The following XXYLT1 variants were observed in gnomAD, a reference collection of about 807,000 sequenced individuals.
XXYLT1 encodes the protein UDP-xylose:alpha-xyloside alpha-1,3-xylosyltransferase.
Under a neutral mutation model 28.9 loss-of-function variants are expected in XXYLT1, and 20 were observed. That is an observed-to-expected ratio of 0.69 (90% confidence interval 0.49 to 1.00). The LOEUF (loss-of-function observed/expected upper bound fraction) is 1.00, where lower values mean the gene tolerates loss of function less well. Ranked by LOEUF, XXYLT1 falls within the 50% of genes least tolerant of loss-of-function variation. XXYLT1 has a pLI of 0.00. For missense variants in XXYLT1, 542 were observed against 560.1 expected (o/e 0.97, Z 0.33); for synonymous variants, 257 against 253.8 (o/e 1.01, Z -0.12).
At chr3:195,177,522 T>G (rs1331306357) in intron 2 of XXYLT1, among the ~76,000 whole-genome samples, 2 of 152,036 alleles carry the variant, frequency 1.3e-5, no homozygotes, top group East Asian at 3.9e-4. Context: ...TGGGGTAGGA[T>G]CAATGCACCA....
At chr3:195,206,302 G>A (rs1180165862) in intron 2 of XXYLT1, among the ~76,000 whole-genome samples, 5 of 151,564 alleles carry the variant, frequency 3.3e-5, no homozygotes, top group African/African-American at 1.2e-4. Flanking sequence ...GAGCCACCAC[G>A]CACGGCCTAA....
At chr3:195,110,851 T>TGTGTGTGG (rs1284404952) in intron 3 of XXYLT1, among the ~76,000 whole-genome samples, 5 of 37,426 alleles carry the variant, frequency 1.3e-4, no homozygotes, top group Admixed American at 8.2e-4. Flanking sequence ...GTTGTGTGTG[T>TGTGTGTGG]TGTATAAGTG....
At chr3:195,167,448 G>A (rs539966337) in intron 2 of XXYLT1, among the ~76,000 whole-genome samples, 11 of 152,184 alleles carry the variant, frequency 7.2e-5, no homozygotes, top group East Asian at 3.9e-4. Flanking sequence ...AAAATTAGCC[G>A]GGAGTGGTGG....
chr3:195,143,432 C>A (rs1025348380), intron 3 of XXYLT1, among the ~76,000 whole-genome samples: 1 of 152,138 alleles, frequency 6.6e-6, no homozygotes, highest in Non-Finnish European at 1.5e-5. Context: ...GAAGCTTTTA[C>A]GTTAACAACA....
chr3:195,174,892 G>A (rs1186949906), intron 2 of XXYLT1, among the ~76,000 whole-genome samples: 3 of 151,976 alleles, frequency 2.0e-5, no homozygotes, highest in East Asian at 1.9e-4. Context: ...GGGTCTACAT[G>A]AGTGTGCCAC....
intron 3 of XXYLT1, among the ~76,000 whole-genome samples, chr3:195,084,985 C>A (rs1451243438): frequency 1.3e-5 from 2 of 152,242 alleles, no homozygotes; most frequent in African/African-American, 4.8e-5. Context: ...AAGGCAGCCA[C>A]TTCCAGACCC....
At chr3:195,140,771 C>T (rs1189409909) in intron 3 of XXYLT1, among the ~76,000 whole-genome samples, 1 of 152,208 alleles carries the variant, frequency 6.6e-6, no homozygotes, top group Non-Finnish European at 1.5e-5. Context: ...AGAGGGAAGT[C>T]TGCCCCCATG....
At chr3:195,136,656 C>T (rs1211405085) in intron 3 of XXYLT1, among the ~76,000 whole-genome samples, 1 of 152,096 alleles carries the variant, frequency 6.6e-6, no homozygotes, top group Non-Finnish European at 1.5e-5. Context: ...AACCAATTTG[C>T]ACACAGTTGA....
chr3:195,121,482 C>T (rs987977707), intron 3 of XXYLT1, among the ~76,000 whole-genome samples: 1 of 152,172 alleles, frequency 6.6e-6, no homozygotes, highest in Non-Finnish European at 1.5e-5. Context: ...ATATTTTGCT[C>T]CCCTGCTGAA....
At chr3:195,189,125 A>G (rs1722320508) in intron 2 of XXYLT1, among the ~76,000 whole-genome samples, 1 of 151,970 alleles carries the variant, frequency 6.6e-6, no homozygotes, top group Non-Finnish European at 1.5e-5. Context: ...TGGATACTAT[A>G]TTATTTCCAT....
chr3:195,246,923 T>C (rs1157543403), intron 1 of XXYLT1, among the ~76,000 whole-genome samples: 1 of 152,210 alleles, frequency 6.6e-6, no homozygotes, highest in East Asian at 1.9e-4. Context: ...CTGGTCCCAA[T>C]TTCTGTCTCT....
At chr3:195,237,094 C>T (rs1372215364) in intron 1 of XXYLT1, among the ~76,000 whole-genome samples, 2 of 152,188 alleles carry the variant, frequency 1.3e-5, no homozygotes, top group African/African-American at 4.8e-5. Context: ...GCCACCCTGG[C>T]TGGTGTCTCA....
intron 2 of XXYLT1, among the ~76,000 whole-genome samples, chr3:195,165,958 G>A (rs1721098671): frequency 6.6e-6 from 1 of 152,026 alleles, no homozygotes; most frequent in Non-Finnish European, 1.5e-5. Context: ...TCCCTGACAG[G>A]TGAAGTTTCA....
Position 195,100,438 on chromosome 3 carries a change from A to G in XXYLT1, c.786-30327T>C, listed in dbSNP as rs146259690. 1.2e-3 allele frequency among the ~76,000 whole-genome samples: 177 copies of G among 152,280 alleles called. 2 individuals are homozygous for G. Among genetic ancestry groups the G allele is most frequent in the African/African-American group, 4.0e-3 (166 of 41,542 alleles). ...ACACACATCACAGCGCCTCCCCCAG[A>G]AGGCAGGCATCTGCAGAGTCTTCTG... On this transcript the variant is annotated intron_variant, in intron 3 of 3. Coordinates refer to ENST00000310380, the MANE Select transcript of XXYLT1 (RefSeq NM_152531.5).
chr3:195,118,068 C>T (rs560532001), intron 3 of XXYLT1, among the ~76,000 whole-genome samples: 1 of 152,360 alleles, frequency 6.6e-6, no homozygotes, highest in South Asian at 2.1e-4. Flanking sequence ...AGTACATTTC[C>T]TGTCCCATAT....
rs372983273 is a variant in XXYLT1, at chr3:195,270,608, C to A, written c.451G>T (p.Ala151Ser). 9.5e-6 allele frequency: 14 copies of A among 1,471,992 alleles called. No homozygotes were observed. Among genetic ancestry groups the A allele is most frequent in the Non-Finnish European group, 1.2e-5 (13 of 1,111,776 alleles). 91.2% of individuals were successfully genotyped at this position (1,471,992 alleles called of 1,614,324 possible). A position where few individuals can be genotyped will look rare whatever the true frequency, so the allele number is the denominator to read the frequency against. ...FVSEEASREV[A>S]KGLLRELLPP... ...AGGAGCTCCCGCAGCAGGCCCTTGGCCACCTCGCGGCTGGCCTCCTCGCTC... is the reference window on the plus strand; with the variant it reads ...AGGAGCTCCCGCAGCAGGCCCTTGGACACCTCGCGGCTGGCCTCCTCGCTC... The change falls in exon 1 of 4, where the codon GCC (alanine) becomes TCC (serine). Residue 151 changes from alanine (A) to serine (S), a missense_variant. Transcript: ENST00000310380.
At chr3:195,241,721 G>C (rs1463996681) in intron 1 of XXYLT1, among the ~76,000 whole-genome samples, 1 of 151,924 alleles carries the variant, frequency 6.6e-6, no homozygotes, top group African/African-American at 2.4e-5. Flanking sequence ...TAGCCATTCA[G>C]GTATCAGTTC....
chr3:195,258,505 T>C (rs1042847326), intron 1 of XXYLT1, among the ~76,000 whole-genome samples: 1 of 152,226 alleles, frequency 6.6e-6, no homozygotes, highest in Non-Finnish European at 1.5e-5. Context: ...AAATTTGAAT[T>C]GGAACCTTCG....
chr3:195,244,802 T>A (rs1236390092), intron 1 of XXYLT1, among the ~76,000 whole-genome samples: 1 of 142,572 alleles, frequency 7.0e-6, no homozygotes, highest in Non-Finnish European at 1.5e-5. Context: ...CATTTAAAAA[T>A]TTTTAAACTT....
Sources: gnomAD v4.1 joint callset for allele counts (sites outside exome capture counted in the v4.1 genomes callset) on GRCh38, gnomAD v4.1.1 for gene constraint, MANE v1.5 for transcripts, NCBI Gene and HGNC (gene_info 2026-07-23, HGNC 2026-07-21) for gene names.